The following GALNTL6 variants were observed in gnomAD, a reference collection of about 807,000 sequenced individuals.
GALNTL6 encodes polypeptide N-acetylgalactosaminyltransferase like 6.
GALNTL6 carries 46 observed loss-of-function variants against 73.7 expected under a neutral mutation model. That is an observed-to-expected ratio of 0.62 (90% CI 0.49 to 0.80). The LOEUF (loss-of-function observed/expected upper bound fraction) is 0.80. GALNTL6 is among the 30% of genes least tolerant of loss of function. The pLI, the probability that GALNTL6 is intolerant of heterozygous loss-of-function variation, is 0.00. For synonymous variants in GALNTL6, 259 were observed against 263.7 expected, an observed-to-expected ratio of 0.98 and a Z score of 0.17; for missense variants, 604 against 755.0, an observed-to-expected ratio of 0.80 and a Z score of 2.34.
At chr4:172,515,416 A>G (rs1734567867) in intron 5 of GALNTL6, among the ~76,000 whole-genome samples, 1 of 152,148 alleles carries the variant, frequency 6.6e-6, no homozygotes, top group Admixed American at 6.5e-5. Context: ...GTGTGTGATG[A>G]CAGTGGATGG....
At position 172,023,281 on chromosome 4, in the gene GALNTL6, C is replaced by T. The variant is rs189498445; in HGVS notation, c.139-206375C>T. 1.5e-4 allele frequency among the ~76,000 whole-genome samples: 22 copies of T among 151,418 alleles called. 1 individual carries two copies. Among genetic ancestry groups the T allele is most frequent in the African/African-American group, 3.9e-4 (16 of 41,378 alleles). On this transcript the variant is annotated intron_variant, in intron 2 of 12. Coordinates refer to ENST00000506823, the MANE Select transcript of GALNTL6 (RefSeq NM_001034845.3). ...TGAAAATATATATATATATATTTGT[C>T]AAATAATTGTTGACTGTTGTTATTG... is the stretch of plus-strand genomic sequence containing the variant.
intron 2 of GALNTL6, among the ~76,000 whole-genome samples, chr4:171,939,774 G>A (rs1738469235): frequency 1.3e-5 from 2 of 152,032 alleles, no homozygotes; most frequent in South Asian, 4.1e-4. Context: ...ATCAAAGTTA[G>A]ATTATACAGG....
chr4:172,155,221 C>T (rs939737273), intron 2 of GALNTL6, among the ~76,000 whole-genome samples: 1 of 152,150 alleles, frequency 6.6e-6, no homozygotes, highest in African/African-American at 2.4e-5. Context: ...TGGTCTTGAA[C>T]TCCAGACTTC....
At chr4:172,801,391 G>GCT (rs535450621) in intron 5 of GALNTL6, among the ~76,000 whole-genome samples, 15 of 152,038 alleles carry the variant, frequency 9.9e-5, no homozygotes, top group African/African-American at 3.6e-4. Flanking sequence ...TTTAACTATA[G>GCT]CTCTCTCTCT....
intron 5 of GALNTL6, among the ~76,000 whole-genome samples, chr4:172,644,587 T>C (rs1740147834): frequency 6.6e-6 from 1 of 152,028 alleles, no homozygotes; most frequent in African/African-American, 2.4e-5. Context: ...TATTGCTTTG[T>C]AATATTAAAT....
chr4:172,011,981 A>C (rs894887074), intron 2 of GALNTL6, among the ~76,000 whole-genome samples: 1 of 151,996 alleles, frequency 6.6e-6, no homozygotes, highest in Non-Finnish European at 1.5e-5. Context: ...AGAATTTTTT[A>C]AAAAGTGCAA....
intron 2 of GALNTL6, among the ~76,000 whole-genome samples, chr4:172,183,644 G>C (rs1183898134): frequency 6.6e-6 from 1 of 152,092 alleles, no homozygotes; most frequent in Non-Finnish European, 1.5e-5. Flanking sequence ...AGCTATCCTA[G>C]CCTTTGATTA....
intron 2 of GALNTL6, among the ~76,000 whole-genome samples, chr4:171,969,927 A>T (rs1579017628): frequency 6.6e-6 from 1 of 152,108 alleles, no homozygotes; most frequent in Admixed American, 6.6e-5. Flanking sequence ...GTGCCACCAC[A>T]CCTGGCAATT....
At chr4:171,818,361 C>T (rs901583643) in intron 2 of GALNTL6, among the ~76,000 whole-genome samples, 2 of 150,964 alleles carry the variant, frequency 1.3e-5, no homozygotes, top group African/African-American at 4.9e-5. Flanking sequence ...TTTTAAAAAC[C>T]CCAAATTCCA....
At chr4:172,314,388 A>C (rs1740469389) in intron 4 of GALNTL6, among the ~76,000 whole-genome samples, 2 of 151,948 alleles carry the variant, frequency 1.3e-5, no homozygotes, top group Non-Finnish European at 2.9e-5. Context: ...ATTTAACTGA[A>C]CTTGATCTTA....
At chr4:172,582,758 A>T (rs1217827372) in intron 5 of GALNTL6, among the ~76,000 whole-genome samples, 3 of 151,222 alleles carry the variant, frequency 2.0e-5, no homozygotes, top group African/African-American at 7.3e-5. Flanking sequence ...ACACACACAC[A>T]CACACACACA....
chr4:172,087,468 C>CA (rs144994225), intron 2 of GALNTL6, among the ~76,000 whole-genome samples: 4,403 of 141,082 alleles, frequency 0.031, 91 homozygotes, highest in African/African-American at 0.047. Flanking sequence ...ACAAAAAAAA[C>CA]AAAAAAAACA....
intron 7 of GALNTL6, among the ~76,000 whole-genome samples, chr4:172,874,846 G>C (rs1028534080): frequency 6.6e-6 from 1 of 152,170 alleles, no homozygotes; most frequent in African/African-American, 2.4e-5. Context: ...ACTTTGTGAA[G>C]CTCGGGACAT....
chr4:171,823,732 T>C (rs1233978712), intron 2 of GALNTL6, among the ~76,000 whole-genome samples: 2 of 151,626 alleles, frequency 1.3e-5, no homozygotes, highest in African/African-American at 4.8e-5. Context: ...ACAGCCACCT[T>C]GTCAATAAGT....
intron 7 of GALNTL6, among the ~76,000 whole-genome samples, chr4:172,858,388 G>T (rs1186122628): frequency 1.3e-5 from 2 of 152,106 alleles, no homozygotes; most frequent in African/African-American, 4.8e-5. Context: ...AAGGTAAGGG[G>T]ACAGACATTA....
chr4:172,494,433 T>C (rs1406999316), intron 5 of GALNTL6, among the ~76,000 whole-genome samples: 2 of 152,194 alleles, frequency 1.3e-5, no homozygotes, highest in East Asian at 3.8e-4. Flanking sequence ...TTCTCAGCAT[T>C]CTCTCCATAT....
rs149844867 is a variant in GALNTL6 at position 172,529,301 on chromosome 4, T to A, written c.553+180612T>A. On this transcript the variant is annotated intron_variant, in intron 5 of 12. Transcript: ENST00000506823. ...ATTTTACTGGTTTAATTTAGATATT[T>A]ATTAATGACATTTTCTGTGTTAATT... 5.7e-3 allele frequency among the ~76,000 whole-genome samples: 863 copies of A among 152,172 alleles called. 10 individuals are homozygous for A. The highest frequency in any genetic ancestry group is 0.02 in the African/African-American group (815 of 41,530).
chr4:172,331,241 A>G (rs1319344540), intron 4 of GALNTL6, among the ~76,000 whole-genome samples: 1 of 151,092 alleles, frequency 6.6e-6, no homozygotes, highest in African/African-American at 2.4e-5. Flanking sequence ...ACATATTACA[A>G]AATGTTCAAC....
At chr4:172,123,508 T>TTTTC (rs1234837410) in intron 2 of GALNTL6, among the ~76,000 whole-genome samples, 1 of 144,874 alleles carries the variant, frequency 6.9e-6, no homozygotes, top group Non-Finnish European at 1.5e-5. Flanking sequence ...TAATTTTTTT[T>TTTTC]TTTTTTTTTT....
Sources: allele counts gnomAD v4.1 joint callset (sites outside exome capture counted in the v4.1 genomes callset), GRCh38; gene constraint gnomAD v4.1.1; transcripts MANE v1.5; gene names NCBI Gene and HGNC (gene_info 2026-07-23, HGNC 2026-07-21).